Variants in LAMB1 observed in about 807,000 individuals in gnomAD.
LAMB1 encodes the protein laminin subunit beta 1, also known as laminin subunit beta-1.
A neutral mutation model predicts 222.3 loss-of-function variants in LAMB1; 121 were observed. The observed-to-expected ratio is 0.54, with a 90% CI of 0.47 to 0.63. The LOEUF is 0.63. Ranked by LOEUF, LAMB1 falls within the 30% of genes least tolerant of loss-of-function variation. The probability of loss-of-function intolerance (pLI) is 0.00; values close to 1 mark genes in which losing one functional copy is unlikely to be tolerated. For synonymous variants in LAMB1, 794 were observed against 807.2 expected (o/e 0.98, Z 0.28); for missense variants, 2,172 against 2,240.8 (o/e 0.97, Z 0.62).
rs776375260 is a variant in LAMB1, at chr7:107,960,488, G to A, written c.2271C>T (p.Asn757=). Residue 757 remains asparagine, a synonymous_variant, in exon 18 of 34, where the codon AAC becomes AAT. Coordinates refer to ENST00000222399, the MANE Select transcript of LAMB1 (RefSeq NM_002291.3). ...ACAGGGCAGAAATGCTAAAGATGAT[G>A]TTTCTGCAAACATCTGTCATCGGTG... ...VKTPMTDVCR[N]IIFSISALLH... is the part of the protein sequence containing the mutation. 2 of 1,614,170 alleles carry A rather than the reference G, an allele frequency of 1.2e-6. No individual in the cohort carries two copies. Among genetic ancestry groups the A allele is most frequent in the African/African-American group, 1.3e-5 (1 of 75,048 alleles).
intron 32 of LAMB1, among the ~76,000 whole-genome samples, chr7:107,924,692 G>C (rs1179183407): frequency 6.6e-6 from 1 of 152,160 alleles, no homozygotes; most frequent in East Asian, 1.9e-4. Flanking sequence ...ACATAGAGAA[G>C]CGCAGATTTT....
At chr7:107,978,752 A>G (rs1398353129) in intron 8 of LAMB1, among the ~76,000 whole-genome samples, 1 of 152,210 alleles carries the variant, frequency 6.6e-6, no homozygotes, top group Non-Finnish European at 1.5e-5. Context: ...CTTTTATGTA[A>G]GGAAATATAA....
Position 108,002,858 on chromosome 7 carries a change from T to C in LAMB1, c.28A>G (p.Ser10Gly), listed in dbSNP as rs758050555. The change falls in exon 2 of 34, where the codon AGT (serine) becomes GGT (glycine). Residue 10 changes from serine (S) to glycine (G), a missense_variant. Ser to Gly is a moderately conservative substitution (Grantham distance 56). Coordinates refer to ENST00000222399, the MANE Select transcript of LAMB1 (RefSeq NM_002291.3). The part of the protein sequence containing the change: MGLLQLLAF[S>G]FLALCRARVR... ...GTTTCCACGGAATTACCTAAGAAAC[T>C]GAAAGCTAGCAACTGGAGAAGCCCC... The C allele has an allele frequency of 5.6e-6, 9 of 1,614,102 alleles. No individual in the cohort carries two copies. The highest frequency in any genetic ancestry group is 2.2e-5 in the South Asian group (2 of 91,058).
chr7:108,001,638 CGAT>C lies in LAMB1; in HGVS notation c.130_132del (p.Ile44del), dbSNP rs763846023. On this transcript the variant is annotated inframe_deletion, in exon 3 of 34. Transcript: ENST00000222399. ...GTCACCGAAAGCTTCTGTGCTCGGC[CGAT>C]GAGAAGGTCGCCCGTGGCGGGATAG... The C allele has an allele frequency of 6.2e-7, 1 of 1,613,208 alleles. No individual in the cohort carries two copies. Among genetic ancestry groups the C allele is most frequent in the Admixed American group, 1.7e-5 (1 of 59,936 alleles).
intron 12 of LAMB1, among the ~76,000 whole-genome samples, chr7:107,974,637 C>T (rs971917315): frequency 9.9e-5 from 15 of 152,176 alleles, no homozygotes; most frequent in Non-Finnish European, 2.2e-4. Flanking sequence ...TATGTATCTC[C>T]AAAATGCTTT....
chr7:107,969,620 C>T (rs537727709), intron 13 of LAMB1, among the ~76,000 whole-genome samples: 4 of 152,240 alleles, frequency 2.6e-5, no homozygotes, highest in African/African-American at 2.4e-5. Context: ...ATGTGTTGTT[C>T]GCCAATTTTG....
intron 2 of LAMB1, chr7:108,002,367 C>T: frequency 7.6e-7 from 1 of 1,316,452 alleles, no homozygotes; most frequent in Non-Finnish European, 1.0e-6. Context: ...TCCAGGGAAG[C>T]GCCAGGTCCT....
At chr7:107,955,416 A>G (rs1364621251) in intron 21 of LAMB1, 51 bp downstream of exon 21, 8 of 1,528,214 alleles carry the variant, frequency 5.2e-6, no homozygotes, top group South Asian at 1.2e-5. Context: ...ATGAACTCAT[A>G]AAGACATCTT....
chr7:107,933,868 C>CAGAGGA (rs1254710399), intron 27 of LAMB1, among the ~76,000 whole-genome samples: 10 of 152,194 alleles, frequency 6.6e-5, no homozygotes, highest in African/African-American at 2.4e-4. Context: ...CCCCGAACCC[C>CAGAGGA]ACCCACCGCC....
intron 3 of LAMB1, 103 bp from the exon 4 acceptor site, chr7:107,998,595 A>G: frequency 2.2e-6 from 2 of 929,608 alleles, no homozygotes; most frequent in Non-Finnish European, 3.2e-6. Context: ...TCAACCTATT[A>G]GCTTCAAGAA....
chr7:107,942,843 A>G (rs1353310145), intron 24 of LAMB1: 5 of 152,172 alleles, frequency 3.3e-5, no homozygotes, highest in South Asian at 4.1e-4. Context: ...TTATATGTTT[A>G]TTTATATGTA....
At chr7:107,977,647 A>G (rs2033894224) in intron 9 of LAMB1, among the ~76,000 whole-genome samples, 2 of 152,034 alleles carry the variant, frequency 1.3e-5, no homozygotes, top group African/African-American at 4.8e-5. Flanking sequence ...AAAAATTAGC[A>G]GGGCATGGTG....
At chr7:107,936,402 GAAAA>G (rs1314131682) in intron 26 of LAMB1, 2 of 152,070 alleles carry the variant, frequency 1.3e-5, no homozygotes, top group Non-Finnish European at 2.9e-5. Flanking sequence ...GAGAGAGAGA[GAAAA>G]AGAAAGAAGT....
At position 107,929,421 on chromosome 7, in the gene LAMB1, T is replaced by C. The variant is rs1472407181; in HGVS notation, c.4736A>G (p.Lys1579Arg). 1.9e-6 allele frequency: 3 copies of C among 1,613,812 alleles called. No homozygotes were observed. In the African/African-American group the frequency reaches 4.0e-5, roughly 22 times the overall value. ...ARAEMLLEEA[K>R]RASKSATDVK... ...CCATGTCTTTAGATACCTTGCTCTT[T>C]TAGCTTCTTCTAACAACATCTCAGC... Residue 1579 changes from lysine (K) to arginine (R), a missense_variant, in exon 30 of 34, where the codon AAA becomes AGA. Transcript: ENST00000222399.
At chr7:107,960,239 A>G (rs1050509135) in intron 18 of LAMB1, among the ~76,000 whole-genome samples, 10 of 152,174 alleles carry the variant, frequency 6.6e-5, no homozygotes, top group Non-Finnish European at 1.0e-4. Flanking sequence ...TGTTATTTGC[A>G]TATTTCTTGA....
At chr7:107,981,440 CTG>C (rs1259777429) in intron 7 of LAMB1, among the ~76,000 whole-genome samples, 1 of 123,984 alleles carries the variant, frequency 8.1e-6, no homozygotes, top group African/African-American at 3.1e-5. Flanking sequence ...AAGAGCAAAA[CTG>C]TTTAAAAAAA....
At chr7:107,926,053 A>T (rs949910958) in intron 32 of LAMB1, 130 bp downstream of exon 32, 3 of 688,790 alleles carry the variant, frequency 4.4e-6, no homozygotes, top group Non-Finnish European at 7.5e-6. Flanking sequence ...GGCTGTTGCA[A>T]AACAGGTCAT....
Position 107,953,763 on chromosome 7 carries a change from C to T in LAMB1, c.2855-9G>A, listed in dbSNP as rs772040800. 3 of 1,612,512 alleles carry T rather than the reference C, an allele frequency of 1.9e-6. No homozygotes were observed. The highest frequency in any genetic ancestry group is 1.1e-5 in the South Asian group (1 of 91,006). On this transcript the variant is annotated splice_polypyrimidine_tract_variant and intron_variant, in intron 21 of 33. Transcript: ENST00000222399. ...GTCGTCACATCTGGAACCTGTCACC[C>T]GATAAAACCAAACACAAGATGTTTA...
chr7:107,971,325 G>A (rs929888727), intron 13 of LAMB1, among the ~76,000 whole-genome samples: 8 of 152,156 alleles, frequency 5.3e-5, no homozygotes, highest in East Asian at 3.9e-4. Context: ...TACCTACAAC[G>A]TATTTCTTTT....
Sources: allele counts gnomAD v4.1 joint callset (sites outside exome capture counted in the v4.1 genomes callset), GRCh38; gene constraint gnomAD v4.1.1; transcripts MANE v1.5; gene names NCBI Gene and HGNC (gene_info 2026-07-23, HGNC 2026-07-21).